KANK2: variants seen among roughly 807,000 people sequenced by gnomAD.
The protein encoded by KANK2 is KN motif and ankyrin repeat domain-containing protein 2.
A neutral mutation model predicts 74.6 loss-of-function variants in KANK2; 41 were observed. The observed-to-expected ratio is 0.55, with a 90% CI of 0.43 to 0.71. KANK2 has a LOEUF of 0.71. Ranked by LOEUF, KANK2 falls within the 30% of genes least tolerant of loss-of-function variation. The pLI, the probability that KANK2 is intolerant of heterozygous loss-of-function variation, is 0.00. For missense variants in KANK2, 1,148 were observed against 1,196.4 expected (o/e 0.96, Z 0.60); for synonymous variants, 537 against 519.0 (o/e 1.03, Z -0.47).
rs1179136734 is a variant in KANK2 at position 11,166,591 on chromosome 19, G to C, written c.2523C>G (p.Asp841Glu). The change falls in exon 13 of 13, where the codon GAC (aspartate) becomes GAG (glutamate). Residue 841 changes from aspartate (D) to glutamate (E), a missense_variant. Asp to Glu is a conservative substitution (Grantham distance 45, BLOSUM62 2). Transcript: ENST00000586659. ...IKCSFAPMSD[D>E]ESPTSSSAEE is the part of the protein sequence containing the mutation. Reference sequence around the variant, plus strand: ...CTGCCGAGGATGATGTAGGGCTCTCGTCATCTGACATTGGGGCAAACTGAA... The same window carrying C: ...CTGCCGAGGATGATGTAGGGCTCTCCTCATCTGACATTGGGGCAAACTGAA... 1 of 1,614,186 alleles carries C rather than the reference G, an allele frequency of 6.2e-7. No homozygotes were observed. The highest frequency in any genetic ancestry group is 8.5e-7 in the Non-Finnish European group (1 of 1,180,006).
At position 11,186,434 on chromosome 19, in the gene KANK2, C is replaced by T. The variant is rs1474373065; in HGVS notation, c.1249+6397G>A. Among the ~76,000 whole-genome samples, 4 of 147,608 alleles carry T rather than the reference C, an allele frequency of 2.7e-5. No homozygotes were observed. The East Asian group carries it at 8.3e-4, about 30-fold the overall frequency. On this transcript the variant is annotated intron_variant, in intron 4 of 12. Coordinates refer to ENST00000586659, the MANE Select transcript of KANK2 (RefSeq NM_001136191.3). The stretch of plus-strand genomic sequence containing the variant: ...AGAAGAGGCCAGGCGCGGTGGCTCA[C>T]GCCTGTTAATTCCAGCACTTTGGGA...
intron 4 of KANK2, among the ~76,000 whole-genome samples, chr19:11,191,963 G>A (rs1197563723): frequency 2.0e-5 from 3 of 152,154 alleles, no homozygotes; most frequent in Admixed American, 2.0e-4. Context: ...GGAGGCTAAG[G>A]CGGGAGGATT....
intron 4 of KANK2, among the ~76,000 whole-genome samples, chr19:11,190,702 G>A (rs1168939508): frequency 6.6e-6 from 1 of 152,146 alleles, no homozygotes; most frequent in East Asian, 1.9e-4. Flanking sequence ...ACCTGGCAGA[G>A]CCTCCCTGAC....
chr19:11,182,840 C>CAA (rs36229477), intron 4 of KANK2, among the ~76,000 whole-genome samples: 53 of 62,814 alleles, frequency 8.4e-4, no homozygotes, highest in Middle Eastern at 9.6e-3. Flanking sequence ...CAGACTGCCT[C>CAA]AAAAAAAAAA....
intron 4 of KANK2, among the ~76,000 whole-genome samples, chr19:11,184,035 A>G (rs977784877): frequency 6.6e-6 from 1 of 152,154 alleles, no homozygotes; most frequent in Non-Finnish European, 1.5e-5. Context: ...AAATTCTTCC[A>G]AGCACAATCC....
At position 11,178,350 on chromosome 19, in the gene KANK2, G is replaced by A. The variant is rs769996752; in HGVS notation, c.1515C>T (p.Asn505=). 5.2e-5 allele frequency: 79 copies of A among 1,519,562 alleles called. No individual in the cohort carries two copies. Among genetic ancestry groups the A allele is most frequent in the South Asian group, 6.5e-5 (5 of 76,796 alleles). 94.1% of individuals were successfully genotyped at this position (1,519,562 alleles called of 1,614,324 possible). A position where few individuals can be genotyped will look rare whatever the true frequency, so the allele number is the denominator to read the frequency against. Reference sequence around the variant, plus strand: ...GTGGGGTCTTCTCCTCTCACCCGCCGTTGACCCCCACGAACTGGAGGCTCC... The same window carrying A: ...GTGGGGTCTTCTCCTCTCACCCGCCATTGACCCCCACGAACTGGAGGCTCC... ...HRRSLQFVGV[N]GGYESSSEDS... The change falls in exon 6 of 13, where the codon AAC becomes AAT. Residue 505 remains asparagine, a synonymous_variant. Transcript: ENST00000586659.
At chr19:11,166,994 G>A (rs2078041230) in intron 12 of KANK2, among the ~76,000 whole-genome samples, 1 of 152,170 alleles carries the variant, frequency 6.6e-6, no homozygotes, top group Non-Finnish European at 1.5e-5. Flanking sequence ...GCTAGAGGGG[G>A]AGAGAAACAG....
In KANK2 at chr19:11,170,332, A is replaced by C. The variant is rs1568641554; in HGVS notation, c.2212-84T>G. 3.7e-6 allele frequency: 4 copies of C among 1,071,644 alleles called. No individual in the cohort carries two copies. The highest frequency in any genetic ancestry group is 4.1e-6 in the Non-Finnish European group (3 of 725,496). The allele number at this position is 1,071,644 out of a possible 1,614,324, so 66.4% of individuals were successfully genotyped here. ...TGGTCTAGAACCTGCTGTAGCTCCCACATACTCTGATGGTGAAATGTACCC... is the reference window on the plus strand; with the variant it reads ...TGGTCTAGAACCTGCTGTAGCTCCCCCATACTCTGATGGTGAAATGTACCC... On this transcript the variant is annotated intron_variant, in intron 10 of 12. Coordinates refer to ENST00000586659, the MANE Select transcript of KANK2 (RefSeq NM_001136191.3). This position sits in a 1 kb window ranked among gnomAD's most constrained non-coding sequence, Gnocchi z 5.2.
intron 4 of KANK2, among the ~76,000 whole-genome samples, chr19:11,184,043 T>G (rs1266814017): frequency 6.6e-6 from 1 of 152,110 alleles, no homozygotes. Flanking sequence ...CCAAGCACAA[T>G]CCACATATGC....
At chr19:11,195,242 A>G (rs2078983552) in intron 2 of KANK2, 1 of 152,124 alleles carries the variant, frequency 6.6e-6, no homozygotes, top group Non-Finnish European at 1.5e-5. Flanking sequence ...CTGCCCGCCT[A>G]GGATGCGTCC....
chr19:11,167,057 C>A (rs2078043075), intron 12 of KANK2, among the ~76,000 whole-genome samples: 2 of 151,992 alleles, frequency 1.3e-5, no homozygotes, highest in South Asian at 4.2e-4. Flanking sequence ...TTGGAGAGGA[C>A]CCTGGCTTTT....
intron 4 of KANK2, among the ~76,000 whole-genome samples, chr19:11,190,683 T>C (rs1187706055): frequency 6.6e-6 from 1 of 152,058 alleles, no homozygotes; most frequent in South Asian, 2.1e-4. Flanking sequence ...ACAGCATGAG[T>C]TTGAACGCAC....
intron 12 of KANK2, among the ~76,000 whole-genome samples, chr19:11,167,387 C>A (rs2078052516): frequency 6.6e-6 from 1 of 151,554 alleles, no homozygotes; most frequent in Non-Finnish European, 1.5e-5. Context: ...TGCTTAAAGA[C>A]AGGGTCTTGC....
Position 11,166,568 on chromosome 19 carries a change from G to C in KANK2, c.2546C>G (p.Ala849Gly). ...CCGCCTCCCTCACGGCTACTCTTCT[G>C]CCGAGGATGATGTAGGGCTCTCGTC... is the stretch of plus-strand genomic sequence containing the variant. Reference protein sequence around the residue: ...SDDESPTSSSAEE With the variant: ...SDDESPTSSSGEE The change falls in exon 13 of 13, where the codon GCA (alanine) becomes GGA (glycine). Residue 849 changes from alanine to glycine, a missense_variant. By Grantham distance (60) the Ala-to-Gly change is moderately conservative. Transcript: ENST00000586659. 6.2e-7 allele frequency: 1 copy of C among 1,614,108 alleles called. No homozygotes were observed. The highest frequency in any genetic ancestry group is 8.5e-7 in the Non-Finnish European group (1 of 1,179,940).
chr19:11,174,400 T>C, intron 9 of KANK2, 73 bp downstream of exon 9: 1 of 1,226,392 alleles, frequency 8.2e-7, no homozygotes, highest in Non-Finnish European at 1.2e-6. Flanking sequence ...GAGGGCAGTG[T>C]CTTCCCTATC....
At chr19:11,196,321 G>T (rs1184304112) in intron 1 of KANK2, 1 of 152,328 alleles carries the variant, frequency 6.6e-6, no homozygotes, top group Non-Finnish European at 1.5e-5. Context: ...GCCTCCCAAA[G>T]TGCTGGGATT....
intron 5 of KANK2, 21 bp downstream of exon 5, chr19:11,178,532 T>G: frequency 6.2e-7 from 1 of 1,602,888 alleles, no homozygotes; most frequent in Non-Finnish European, 8.5e-7. Flanking sequence ...CCGTCCCTCT[T>G]GGCGGCCACC....
chr19:11,183,823 T>C (rs754767957), intron 4 of KANK2, among the ~76,000 whole-genome samples: 11 of 152,048 alleles, frequency 7.2e-5, no homozygotes, highest in Non-Finnish European at 1.5e-4. Context: ...GCTAATTTTT[T>C]TGTATTTTTA....
At chr19:11,175,427 CAAAAAAAAA>C (rs753933217) in intron 8 of KANK2, among the ~76,000 whole-genome samples, 26 of 14,968 alleles carry the variant, frequency 1.7e-3, no homozygotes, top group African/African-American at 4.3e-3. Flanking sequence ...GACTCCCTCT[CAAAAAAAAA>C]AAAAAAAAAA....
Sources: gnomAD v4.1 joint callset for allele counts (sites outside exome capture counted in the v4.1 genomes callset) on GRCh38, gnomAD v4.1.1 for gene constraint, Gnocchi (gnomAD v3.1) non-coding constraint, MANE v1.5 for transcripts, NCBI Gene and HGNC (gene_info 2026-07-23, HGNC 2026-07-21) for gene names.